RALYL: variants seen among roughly 807,000 people sequenced by gnomAD.
RALYL encodes RALY RNA binding protein like.
In RALYL, 29 loss-of-function variants were observed where a neutral mutation model predicts 35.1. The ratio of observed to expected loss-of-function variants is 0.83; its 90% CI spans 0.61 to 1.13. The LOEUF (loss-of-function observed/expected upper bound fraction) is 1.13, where lower values mean the gene tolerates loss of function less well. Ranked by LOEUF, RALYL falls within the 50% of genes most tolerant of loss-of-function variation. RALYL has a pLI of 0.00. For missense variants in RALYL, 359 were observed against 360.4 expected, an observed-to-expected ratio of 1.00 and a Z score of 0.03; for synonymous variants, 120 against 127.6, an observed-to-expected ratio of 0.94 and a Z score of 0.40.
intron 1 of RALYL, among the ~76,000 whole-genome samples, chr8:84,215,826 A>G (rs532613162): frequency 2.0e-5 from 3 of 152,214 alleles, no homozygotes; most frequent in Non-Finnish European, 4.4e-5. Flanking sequence ...AACATTAAAT[A>G]AATGATACTT....
At position 84,231,496 on chromosome 8, in the gene RALYL, C is replaced by T. The variant is rs73688437; in HGVS notation, c.-24+47072C>T. ...GTTTGTTCTCTGTGTTCACTCTGAACGTAAAGCGCAATGCCATGAAAGGGG... is the reference window on the plus strand; with the variant it reads ...GTTTGTTCTCTGTGTTCACTCTGAATGTAAAGCGCAATGCCATGAAAGGGG... On this transcript the variant is annotated intron_variant, in intron 1 of 8. Coordinates refer to ENST00000521268, the MANE Select transcript of RALYL (RefSeq NM_173848.7). Among the ~76,000 whole-genome samples, 567 of 152,020 alleles carry T rather than the reference C, an allele frequency of 3.7e-3. 6 individuals are homozygous for T. The highest frequency in any genetic ancestry group is 0.013 in the African/African-American group (540 of 41,466).
At chr8:84,506,764 A>T (rs1198234561) in intron 1 of RALYL, among the ~76,000 whole-genome samples, 1 of 152,044 alleles carries the variant, frequency 6.6e-6, no homozygotes, top group Admixed American at 6.6e-5. Flanking sequence ...GTTTAGTTGA[A>T]CTAGAATACA....
chr8:84,500,878 T>C (rs997877873), intron 1 of RALYL, among the ~76,000 whole-genome samples: 1 of 152,160 alleles, frequency 6.6e-6, no homozygotes, highest in African/African-American at 2.4e-5. Flanking sequence ...AAATAATTAA[T>C]TTTGTTGACA....
At chr8:84,842,237 G>A (rs911300964) in intron 4 of RALYL, among the ~76,000 whole-genome samples, 3 of 152,122 alleles carry the variant, frequency 2.0e-5, no homozygotes, top group African/African-American at 7.2e-5. Context: ...TAATAAAGAA[G>A]AAAAGAGAGA....
Position 84,294,463 on chromosome 8 carries a change from C to T in RALYL, c.-24+110039C>T, listed in dbSNP as rs562737134. Among the ~76,000 whole-genome samples, 5 of 152,080 alleles carry T rather than the reference C, an allele frequency of 3.3e-5. No individual in the cohort carries two copies. The East Asian group carries it at 9.7e-4, about 29-fold the overall frequency. On this transcript the variant is annotated intron_variant, in intron 1 of 8. Transcript: ENST00000521268. ...TAGTAGTATCTAAAACTCAGCTGTC[C>T]CTGAAACTCTTGGCTGGGCAGGGAG...
intron 1 of RALYL, among the ~76,000 whole-genome samples, chr8:84,445,674 A>G (rs115223845): frequency 0.023 from 3,550 of 151,726 alleles, 141 homozygotes; most frequent in African/African-American, 0.081. Context: ...ATTATAACAT[A>G]TATAGCTTCA....
chr8:84,552,461 T>C (rs960452943), intron 2 of RALYL, among the ~76,000 whole-genome samples: 2 of 144,822 alleles, frequency 1.4e-5, no homozygotes, highest in African/African-American at 5.1e-5. Flanking sequence ...TGACTCTGTC[T>C]CCAATATGAA....
At chr8:84,884,628 A>T (rs1433125142) in intron 7 of RALYL, among the ~76,000 whole-genome samples, 1 of 152,100 alleles carries the variant, frequency 6.6e-6, no homozygotes, top group Non-Finnish European at 1.5e-5. Flanking sequence ...GAATCATTAG[A>T]GAAGAAATGG....
At chr8:84,534,764 C>T (rs762354127) in intron 2 of RALYL, among the ~76,000 whole-genome samples, 23 of 152,028 alleles carry the variant, frequency 1.5e-4, no homozygotes, top group Non-Finnish European at 2.8e-4. Context: ...GAAAGTGAGG[C>T]GATATAGTTG....
intron 1 of RALYL, among the ~76,000 whole-genome samples, chr8:84,277,293 A>G (rs1417490813): frequency 6.6e-6 from 1 of 152,138 alleles, no homozygotes; most frequent in African/African-American, 2.4e-5. Flanking sequence ...CATTTATAAA[A>G]CCATCAGATC....
intron 1 of RALYL, among the ~76,000 whole-genome samples, chr8:84,432,035 T>G (rs997952495): frequency 6.6e-6 from 1 of 152,282 alleles, no homozygotes; most frequent in East Asian, 1.9e-4. Context: ...TTCTTCAAAA[T>G]GTAAATATGG....
intron 1 of RALYL, among the ~76,000 whole-genome samples, chr8:84,225,489 T>C (rs1240925695): frequency 6.6e-5 from 10 of 152,204 alleles, no homozygotes; most frequent in African/African-American, 2.4e-4. Context: ...TCTCCAACCT[T>C]GTCTTGTTTC....
At chr8:84,331,198 C>A (rs1055592194) in intron 1 of RALYL, among the ~76,000 whole-genome samples, 1 of 152,086 alleles carries the variant, frequency 6.6e-6, no homozygotes, top group Non-Finnish European at 1.5e-5. Flanking sequence ...TGTCAGTAGT[C>A]TATCAGGGCC....
At chr8:84,445,470 A>G (rs2048752679) in intron 1 of RALYL, among the ~76,000 whole-genome samples, 1 of 151,812 alleles carries the variant, frequency 6.6e-6, no homozygotes, top group African/African-American at 2.4e-5. Context: ...AGAACAATAT[A>G]TTTTACTTTT....
At chr8:84,241,883 G>C (rs1827993714) in intron 1 of RALYL, among the ~76,000 whole-genome samples, 1 of 151,904 alleles carries the variant, frequency 6.6e-6, no homozygotes, top group Non-Finnish European at 1.5e-5. Flanking sequence ...ACATGTGCAG[G>C]ATATGCAAGT....
chr8:84,553,910 C>T (rs2060919177), intron 2 of RALYL, among the ~76,000 whole-genome samples: 1 of 152,140 alleles, frequency 6.6e-6, no homozygotes, highest in South Asian at 2.1e-4. Context: ...GTTACACAAA[C>T]ATTTGCTGTT....
intron 1 of RALYL, among the ~76,000 whole-genome samples, chr8:84,457,736 T>C (rs2050304418): frequency 6.6e-6 from 1 of 151,910 alleles, no homozygotes; most frequent in African/African-American, 2.4e-5. Flanking sequence ...TCTTTCTCCT[T>C]TCTACTCATC....
chr8:84,379,122 A>T (rs1857458167), intron 1 of RALYL, among the ~76,000 whole-genome samples: 3 of 151,938 alleles, frequency 2.0e-5, no homozygotes, highest in African/African-American at 7.2e-5. Context: ...AAGGAAATTT[A>T]GATTTGAGCA....
intron 1 of RALYL, among the ~76,000 whole-genome samples, chr8:84,359,329 T>A (rs1261871091): frequency 6.6e-6 from 1 of 151,954 alleles, no homozygotes; most frequent in African/African-American, 2.4e-5. Flanking sequence ...ACCACTTTTG[T>A]TAAGTTAACC....
Sources: allele counts gnomAD v4.1 joint callset (sites outside exome capture counted in the v4.1 genomes callset), GRCh38; gene constraint gnomAD v4.1.1; transcripts MANE v1.5; gene names NCBI Gene and HGNC (gene_info 2026-07-23, HGNC 2026-07-21).